ATP10A: variants seen among roughly 807,000 people sequenced by gnomAD.
The protein encoded by ATP10A is ATPase phospholipid transporting 10A (putative).
Under a neutral mutation model 147.8 loss-of-function variants are expected in ATP10A, and 111 were observed. The observed-to-expected ratio is 0.75, with a 90% CI of 0.64 to 0.88. The LOEUF is 0.88. Among genes scored for constraint, ATP10A ranks in the 40% least tolerant of loss-of-function variants. ATP10A has a pLI of 0.00. For synonymous variants in ATP10A, 875 were observed against 841.6 expected (o/e 1.04, Z -0.69); for missense variants, 1,927 against 1,959.0 (o/e 0.98, Z 0.31).
At chr15:25,683,244 A>C in intron 17 of ATP10A, 42 bp downstream of exon 17, 26 of 1,558,804 alleles carry the variant, frequency 1.7e-5, no homozygotes, top group Non-Finnish European at 2.0e-5. Context: ...CGTGGAGGGC[A>C]GAGCTCAGGA....
intron 1 of ATP10A, among the ~76,000 whole-genome samples, chr15:25,859,917 T>C (rs1893680092): frequency 6.6e-6 from 1 of 152,186 alleles, no homozygotes; most frequent in South Asian, 2.1e-4. Context: ...GCTCATACTC[T>C]GCGTGAACAA....
At chr15:25,768,538 CTCTTT>C (rs1280722563) in intron 2 of ATP10A, among the ~76,000 whole-genome samples, 4 of 98,830 alleles carry the variant, frequency 4.0e-5, no homozygotes, top group African/African-American at 1.1e-4. Context: ...AGCTCTCTCT[CTCTTT>C]TTTTTTTTTT....
Position 25,716,796 on chromosome 15 carries a change from A to G in ATP10A, c.1710T>C (p.Asp570=). Residue 570 remains aspartate, a synonymous_variant, in exon 9 of 21, where the codon GAT becomes GAC. Coordinates refer to ENST00000555815, the MANE Select transcript of ATP10A (RefSeq NM_024490.4). ...TGCAGATGGTGAGTGCGATGAAGAA[A>G]TCAAAGACGTCAGACAGCTCAGGCG... is the stretch of plus-strand genomic sequence containing the variant. The part of the protein sequence containing the change: ...HLSPELSDVF[D]FFIALTICNT... 3 of 1,609,288 alleles carry G rather than the reference A, an allele frequency of 1.9e-6. No individual in the cohort carries two copies. The highest frequency in any genetic ancestry group is 2.5e-6 in the Non-Finnish European group (3 of 1,178,006).
intron 2 of ATP10A, among the ~76,000 whole-genome samples, chr15:25,744,410 A>C (rs150542838): frequency 1.4e-3 from 208 of 152,306 alleles, no homozygotes; most frequent in South Asian, 3.9e-3. Flanking sequence ...CAAGGCCTCA[A>C]ATTATTTGTA....
chr15:25,811,799 C>T (rs1036885724), intron 1 of ATP10A, among the ~76,000 whole-genome samples: 3 of 152,322 alleles, frequency 2.0e-5, no homozygotes, highest in South Asian at 2.1e-4. Context: ...AGCACTTCCT[C>T]GTCCAGATGG....
chr15:25,791,032 C>A (rs917481059), intron 1 of ATP10A, among the ~76,000 whole-genome samples: 5 of 151,258 alleles, frequency 3.3e-5, no homozygotes, highest in African/African-American at 1.2e-4. Flanking sequence ...GTCTCCAGGC[C>A]CTTTTTTCTG....
intron 2 of ATP10A, among the ~76,000 whole-genome samples, chr15:25,769,241 C>G (rs1345798944): frequency 6.6e-6 from 1 of 152,064 alleles, no homozygotes; most frequent in Non-Finnish European, 1.5e-5. Flanking sequence ...AATCCCAGCA[C>G]TTTGGGAGGC....
At chr15:25,742,000 A>T (rs928173770) in intron 2 of ATP10A, among the ~76,000 whole-genome samples, 1 of 152,280 alleles carries the variant, frequency 6.6e-6, no homozygotes, top group African/African-American at 2.4e-5. Flanking sequence ...CAAATACTGA[A>T]TAGAAATGAG....
intron 2 of ATP10A, among the ~76,000 whole-genome samples, chr15:25,773,524 TA>T (rs1889444930): frequency 6.6e-6 from 1 of 152,072 alleles, no homozygotes; most frequent in African/African-American, 2.4e-5. Context: ...ACCCCTCACG[TA>T]ATGCATGGGC....
intron 15 of ATP10A, 121 bp downstream of exon 15, chr15:25,691,594 G>A (rs1049107309): frequency 1.9e-5 from 18 of 970,956 alleles, no homozygotes; most frequent in South Asian, 1.1e-4. Flanking sequence ...GCTATATTAA[G>A]GGCAAACCCT....
chr15:25,686,295 A>C lies in ATP10A; in HGVS notation c.3291+1408T>G, dbSNP rs1351697551. On this transcript the variant is annotated intron_variant, in intron 16 of 20. Coordinates refer to ENST00000555815, the MANE Select transcript of ATP10A (RefSeq NM_024490.4). Reference sequence around the variant, plus strand: ...AACATGGAGAACCAGCCTGAGCAACAAAGTGAGACCCTGCCTCTACAAAAT... The same window carrying C: ...AACATGGAGAACCAGCCTGAGCAACCAAGTGAGACCCTGCCTCTACAAAAT... Among the ~76,000 whole-genome samples the C allele has an allele frequency of 2.4e-4, 11 of 46,460 alleles. 3 individuals are homozygous for C. The highest frequency in any genetic ancestry group is 8.6e-4 in the African/African-American group (2 of 2,332). 30.5% of individuals were successfully genotyped at this position (46,460 alleles called of 152,430 possible). A position where few individuals can be genotyped will look rare whatever the true frequency, so the allele number is the denominator to read the frequency against.
chr15:25,696,009 T>A (rs561206149), intron 13 of ATP10A, among the ~76,000 whole-genome samples: 3 of 151,450 alleles, frequency 2.0e-5, no homozygotes, highest in African/African-American at 7.3e-5. Context: ...GAGGAAAACC[T>A]ACGGTGGTAG....
intron 15 of ATP10A, among the ~76,000 whole-genome samples, chr15:25,689,795 C>T (rs889263629): frequency 6.6e-6 from 1 of 152,240 alleles, no homozygotes; most frequent in Non-Finnish European, 1.5e-5. Context: ...GCATGTAGAG[C>T]CCCAGGGCTT....
At chr15:25,779,602 G>C (rs1263276396) in intron 2 of ATP10A, among the ~76,000 whole-genome samples, 1 of 151,986 alleles carries the variant, frequency 6.6e-6, no homozygotes, top group Non-Finnish European at 1.5e-5. Context: ...GGGGCGAGGG[G>C]GTGGCATCGG....
In ATP10A at chr15:25,716,836, A is replaced by G; in HGVS notation, c.1670T>C (p.Leu557Pro). 6.2e-7 allele frequency: 1 copy of G among 1,611,336 alleles called. No homozygotes were observed. Among genetic ancestry groups the G allele is most frequent in the Non-Finnish European group, 8.5e-7 (1 of 1,178,878 alleles). Reference sequence around the variant, plus strand: ...CAGCTCAGGCGAGAGGTGGGCCAGCAGGTGCTCCTGATGCCTCGCCACGGC... The same window carrying G: ...CAGCTCAGGCGAGAGGTGGGCCAGCGGGTGCTCCTGATGCCTCGCCACGGC... Reference protein sequence around the residue: ...SLAVARHQEHLLAHLSPELSD... With the variant: ...SLAVARHQEHPLAHLSPELSD... The change falls in exon 9 of 21, where the codon CTG (leucine) becomes CCG (proline). Residue 557 changes from leucine (L) to proline (P), a missense_variant. Coordinates refer to ENST00000555815, the MANE Select transcript of ATP10A (RefSeq NM_024490.4).
chr15:25,713,950 C>G lies in ATP10A; in HGVS notation c.2068G>C (p.Glu690Gln), dbSNP rs199604349. The G allele has an allele frequency of 4.4e-5, 71 of 1,610,582 alleles. No individual in the cohort carries two copies. The highest frequency in any genetic ancestry group is 1.6e-4 in the Middle Eastern group (1 of 6,082). The change falls in exon 10 of 21, where the codon GAG becomes CAG. Residue 690 changes from glutamate to glutamine, a missense_variant. Transcript: ENST00000555815. ...GGGCTCTCCGCCTCGTACCGCAGCT[C>G]GCGCTCTGACTCCTGCTCCTGAGCA... Reference protein sequence around the residue: ...ELAQEQESERELRYEAESPDE... With the variant: ...ELAQEQESERQLRYEAESPDE...
At chr15:25,765,399 GC>G (rs749348631) in intron 2 of ATP10A, among the ~76,000 whole-genome samples, 2 of 152,140 alleles carry the variant, frequency 1.3e-5, no homozygotes, top group Admixed American at 6.5e-5. Flanking sequence ...AGAACATTCA[GC>G]GTGTCCAACT....
intron 1 of ATP10A, among the ~76,000 whole-genome samples, chr15:25,787,630 A>G (rs1890231362): frequency 6.6e-6 from 1 of 150,540 alleles, no homozygotes; most frequent in Non-Finnish European, 1.5e-5. Flanking sequence ...AAAAAAAAAA[A>G]GAAGAAAGAA....
At chr15:25,853,630 C>A (rs557386307) in intron 1 of ATP10A, among the ~76,000 whole-genome samples, 21 of 152,240 alleles carry the variant, frequency 1.4e-4, no homozygotes, top group South Asian at 1.0e-3. Flanking sequence ...TACTCCCCCC[C>A]AGATGAGACC....
Sources: gnomAD v4.1 joint callset for allele counts (sites outside exome capture counted in the v4.1 genomes callset) on GRCh38, gnomAD v4.1.1 for gene constraint, MANE v1.5 for transcripts, NCBI Gene and HGNC (gene_info 2026-07-23, HGNC 2026-07-21) for gene names.